The following EYA2 variants were observed in gnomAD, a reference collection of about 807,000 sequenced individuals.
EYA2 encodes the protein EYA transcriptional coactivator and phosphatase 2.
Under a neutral mutation model 69.2 loss-of-function variants are expected in EYA2, and 31 were observed. The observed-to-expected ratio is 0.45, with a 90% CI of 0.34 to 0.60. The LOEUF is 0.60. Among genes scored for constraint, EYA2 ranks in the 20% least tolerant of loss-of-function variants. The pLI, the probability that EYA2 is intolerant of heterozygous loss-of-function variation, is 0.02. For missense variants in EYA2, 622 were observed against 701.2 expected, an observed-to-expected ratio of 0.89 and a Z score of 1.28; for synonymous variants, 257 against 279.4, an observed-to-expected ratio of 0.92 and a Z score of 0.80.
At chr20:46,956,974 C>A (rs943660626) in intron 1 of EYA2, among the ~76,000 whole-genome samples, 4 of 152,162 alleles carry the variant, frequency 2.6e-5, no homozygotes, top group African/African-American at 4.8e-5. Flanking sequence ...AAAAACCCAA[C>A]CCTATGATTT....
intron 4 of EYA2, among the ~76,000 whole-genome samples, chr20:47,008,428 A>G (rs973661188): frequency 1.3e-5 from 2 of 152,188 alleles, no homozygotes; most frequent in African/African-American, 4.8e-5. Context: ...GGGATTACCT[A>G]TGACAGACCT....
At chr20:47,093,907 A>C (rs1051104300) in intron 8 of EYA2, among the ~76,000 whole-genome samples, 1 of 152,356 alleles carries the variant, frequency 6.6e-6, no homozygotes, top group Non-Finnish European at 1.5e-5. Flanking sequence ...CATGTGCCTT[A>C]CGCTGCCCTT....
chr20:47,057,335 C>G (rs2030678435), intron 5 of EYA2, among the ~76,000 whole-genome samples: 1 of 152,136 alleles, frequency 6.6e-6, no homozygotes, highest in Admixed American at 6.5e-5. Flanking sequence ...ACTTTGTATT[C>G]TGGGTAAAGA....
chr20:47,182,489 C>CAATT (rs1412558810), intron 14 of EYA2, among the ~76,000 whole-genome samples: 3 of 151,080 alleles, frequency 2.0e-5, no homozygotes, highest in Admixed American at 2.0e-4. Context: ...ATTAGCAGGG[C>CAATT]ATGGTGGCGG....
intron 9 of EYA2, among the ~76,000 whole-genome samples, chr20:47,135,978 C>G (rs1038349095): frequency 1.3e-5 from 2 of 151,900 alleles, no homozygotes; most frequent in Non-Finnish European, 2.9e-5. Context: ...GGTCATGCCA[C>G]TGCACTCCAG....
intron 1 of EYA2, among the ~76,000 whole-genome samples, chr20:46,989,244 T>G (rs1327572471): frequency 1.3e-5 from 2 of 152,066 alleles, no homozygotes; most frequent in Admixed American, 1.3e-4. Flanking sequence ...CCTTTTGAGC[T>G]TTTCTCCGTC....
chr20:46,903,341 G>A (rs1324969921), intron 1 of EYA2, among the ~76,000 whole-genome samples: 1 of 152,210 alleles, frequency 6.6e-6, no homozygotes, highest in Non-Finnish European at 1.5e-5. Context: ...GGTTCAGTAA[G>A]AGCAGTGCCT....
At chr20:47,091,930 G>C (rs964535063) in intron 8 of EYA2, among the ~76,000 whole-genome samples, 1 of 152,180 alleles carries the variant, frequency 6.6e-6, no homozygotes, top group Non-Finnish European at 1.5e-5. Flanking sequence ...ATTCCAAGAA[G>C]ACAGTATCCC....
chr20:47,037,595 C>T (rs531405805), intron 5 of EYA2, among the ~76,000 whole-genome samples: 1 of 152,216 alleles, frequency 6.6e-6, no homozygotes, highest in Admixed American at 6.5e-5. Flanking sequence ...TCTGGAGCCT[C>T]TAGGGGAGCA....
intron 14 of EYA2, among the ~76,000 whole-genome samples, chr20:47,182,621 C>T (rs139361668): frequency 0.061 from 2,328 of 37,980 alleles, 166 homozygotes; most frequent in African/African-American, 0.38. Context: ...AAGAACGAGA[C>T]TCCGTCTAAA....
intron 11 of EYA2, among the ~76,000 whole-genome samples, chr20:47,170,372 T>G (rs1423404047): frequency 1.3e-5 from 2 of 151,166 alleles, no homozygotes; most frequent in East Asian, 3.9e-4. Flanking sequence ...TCAGGCCGGG[T>G]GTGGTGGCTC....
At chr20:46,929,959 G>C (rs764075191) in intron 1 of EYA2, among the ~76,000 whole-genome samples, 1 of 152,188 alleles carries the variant, frequency 6.6e-6, no homozygotes, top group African/African-American at 2.4e-5. Context: ...GAAATATTGG[G>C]ATTAGATAAT....
At chr20:47,002,631 T>C (rs1222897529) in intron 3 of EYA2, among the ~76,000 whole-genome samples, 1 of 152,208 alleles carries the variant, frequency 6.6e-6, no homozygotes, top group East Asian at 1.9e-4. Flanking sequence ...GATGATTCCA[T>C]GTCTTGGCTG....
chr20:47,179,284 G>A (rs1476983434), intron 12 of EYA2, among the ~76,000 whole-genome samples: 1 of 138,718 alleles, frequency 7.2e-6, no homozygotes, highest in East Asian at 2.2e-4. Flanking sequence ...GTGTGTGGGT[G>A]GATGGGTGGA....
At chr20:47,069,229 C>T (rs1403346642) in intron 5 of EYA2, among the ~76,000 whole-genome samples, 2 of 152,206 alleles carry the variant, frequency 1.3e-5, no homozygotes, top group African/African-American at 2.4e-5. Flanking sequence ...CTCAGTGGCT[C>T]ACGTCTGTAA....
chr20:46,960,703 G>A lies in EYA2; in HGVS notation c.-10-29298G>A, dbSNP rs542075548. Among the ~76,000 whole-genome samples the A allele has an allele frequency of 5.9e-5, 9 of 152,302 alleles. No homozygotes were observed. The South Asian group carries it at 1.5e-3, about 25-fold the overall frequency. On this transcript the variant is annotated intron_variant, in intron 1 of 15. Transcript: ENST00000327619. ...TCATCCCATTCATTTATATGCAGCT[G>A]CTTTCACAGTTCAATCGCAAAGTTC...
intron 9 of EYA2, among the ~76,000 whole-genome samples, chr20:47,101,863 A>G (rs1237566466): frequency 6.6e-6 from 1 of 152,194 alleles, no homozygotes; most frequent in Non-Finnish European, 1.5e-5. Context: ...TGGGATATTC[A>G]TGACAGAACC....
At chr20:47,010,528 C>T (rs1037944128) in intron 4 of EYA2, among the ~76,000 whole-genome samples, 1 of 152,080 alleles carries the variant, frequency 6.6e-6, no homozygotes, top group Non-Finnish European at 1.5e-5. Context: ...ACTAGAGAGG[C>T]TGAGGTGGGA....
At chr20:47,120,646 C>G (rs997862141) in intron 9 of EYA2, among the ~76,000 whole-genome samples, 5 of 152,130 alleles carry the variant, frequency 3.3e-5, no homozygotes, top group African/African-American at 9.7e-5. Context: ...CCCACCACTT[C>G]CTGGAACAAG....
Sources: gnomAD v4.1 joint callset for allele counts (sites outside exome capture counted in the v4.1 genomes callset) on GRCh38, gnomAD v4.1.1 for gene constraint, MANE v1.5 for transcripts, NCBI Gene and HGNC (gene_info 2026-07-23, HGNC 2026-07-21) for gene names.